The following KCNT1 variants were observed in gnomAD, a reference collection of about 807,000 sequenced individuals.
The protein encoded by KCNT1 is potassium sodium-activated channel subfamily T member 1.
Under a neutral mutation model 147.8 loss-of-function variants are expected in KCNT1, and 78 were observed. That is an observed-to-expected ratio of 0.53 (90% CI 0.44 to 0.64). KCNT1 has a LOEUF of 0.64. Ranked by LOEUF, KCNT1 falls within the 30% of genes least tolerant of loss-of-function variation. The pLI, the probability that KCNT1 is intolerant of heterozygous loss-of-function variation, is 0.00. For missense variants in KCNT1, 1,419 were observed against 1,750.3 expected (o/e 0.81, Z 3.38); for synonymous variants, 867 against 748.8 (o/e 1.16, Z -2.58).
At chr9:135,750,423 G>C in intron 3 of KCNT1, 1 of 562,948 alleles carries the variant, frequency 1.8e-6, no homozygotes, top group Non-Finnish European at 3.2e-6. Flanking sequence ...GGGACTCGTG[G>C]GGACACCGTC....
intron 1 of KCNT1, among the ~76,000 whole-genome samples, chr9:135,702,769 G>C (rs913957295): frequency 2.0e-5 from 3 of 152,080 alleles, no homozygotes; most frequent in Admixed American, 6.5e-5. Context: ...TGTGTGGCAT[G>C]GCAGTGCTCG....
chr9:135,777,246 G>A (rs942375205), intron 20 of KCNT1, 92 bp from the exon 21 acceptor site: 50 of 1,367,994 alleles, frequency 3.7e-5, no homozygotes, highest in South Asian at 1.5e-4. Flanking sequence ...GGGTGTTCAC[G>A]GGGGATGTTT....
intron 1 of KCNT1, among the ~76,000 whole-genome samples, chr9:135,707,032 C>T (rs2131314247): frequency 6.6e-6 from 1 of 151,832 alleles, no homozygotes. Context: ...TGCCTGTGAT[C>T]TCGGTGCTTT....
intron 2 of KCNT1, among the ~76,000 whole-genome samples, chr9:135,742,193 G>C (rs984727263): frequency 6.6e-6 from 1 of 152,204 alleles, no homozygotes; most frequent in Admixed American, 6.5e-5. Context: ...GGAGCCTTGG[G>C]GCAGGGCTGG....
intron 4 of KCNT1, among the ~76,000 whole-genome samples, chr9:135,753,420 C>T (rs1008448214): frequency 6.6e-6 from 1 of 152,156 alleles, no homozygotes; most frequent in Non-Finnish European, 1.5e-5. Context: ...GCTTGGGGGC[C>T]GCTTGTCCTC....
intron 2 of KCNT1, among the ~76,000 whole-genome samples, chr9:135,741,770 A>G (rs1024553867): frequency 5.2e-5 from 8 of 152,388 alleles, no homozygotes; most frequent in African/African-American, 1.9e-4. Context: ...GTGTGGCCTC[A>G]GAAGACTGTG....
intron 13 of KCNT1, among the ~76,000 whole-genome samples, chr9:135,767,244 C>T (rs1462184336): frequency 2.0e-5 from 3 of 152,120 alleles, no homozygotes; most frequent in South Asian, 2.1e-4. Context: ...CACACACAGG[C>T]GATGCACCTG....
intron 6 of KCNT1, among the ~76,000 whole-genome samples, chr9:135,756,267 G>A (rs951746900): frequency 6.6e-6 from 1 of 152,108 alleles, no homozygotes; most frequent in African/African-American, 2.4e-5. Context: ...GGATCCCTGA[G>A]GACTTCCTGA....
chr9:135,759,664 T>C lies in KCNT1; in HGVS notation c.855-15T>C. ...TCCTGGGCCCCAGGCCGCCCCTCAC[T>C]GCCAGGGGTTGCAGGACCTGCGGCA... On this transcript the variant is annotated splice_polypyrimidine_tract_variant and intron_variant, in intron 10 of 30. Transcript: ENST00000371757. The C allele has an allele frequency of 6.3e-7, 1 of 1,588,350 alleles. No individual in the cohort carries two copies. The highest frequency in any genetic ancestry group is 1.1e-5 in the South Asian group (1 of 87,614).
At position 135,770,381 on chromosome 9, in the gene KCNT1, A is replaced by G. The variant is rs745911061; in HGVS notation, c.1703A>G (p.Asp568Gly). 6.2e-7 allele frequency: 1 copy of G among 1,613,296 alleles called. No individual in the cohort carries two copies. Among genetic ancestry groups the G allele is most frequent in the Admixed American group, 1.7e-5 (1 of 60,000 alleles). Residue 568 changes from aspartate to glycine, a missense_variant, in exon 17 of 31, where the codon GAC becomes GGC. Transcript: ENST00000371757. ...GNEVYHIRMG[D>G]SKFFREYEGK... is the part of the protein sequence containing the mutation. ...GAGGTGTACCACATCCGCATGGGTG[A>G]CAGCAAGTTCTTCCGCGAGTACGAG...
At chr9:135,765,489 C>A in intron 12 of KCNT1, 135 bp from the exon 13 acceptor site, 1 of 1,049,878 alleles carries the variant, frequency 9.5e-7, no homozygotes, top group Non-Finnish European at 1.3e-6. Flanking sequence ...CCCCTCTTTT[C>A]CCTCCCACCA....
At chr9:135,768,741 G>A in intron 14 of KCNT1, 68 bp downstream of exon 14, 7 of 1,537,996 alleles carry the variant, frequency 4.6e-6, no homozygotes, top group Non-Finnish European at 6.2e-6. Flanking sequence ...GGGTCCCTGA[G>A]GGAAGAGACC....
Position 135,778,859 on chromosome 9 carries a change from C to T in KCNT1, c.2729+37C>T, listed in dbSNP as rs368358842. 5.6e-6 allele frequency: 9 copies of T among 1,602,668 alleles called. No homozygotes were observed. The African/African-American group carries it at 1.1e-4, about 20-fold the overall frequency. ...GTCCGGGGCTCGGCTCTAAACCACC[C>T]CACAGCCACGACCACGGGCCCTCGC... On this transcript the variant is annotated intron_variant, in intron 23 of 30. Coordinates refer to ENST00000371757, the MANE Select transcript of KCNT1 (RefSeq NM_020822.3).
intron 2 of KCNT1, among the ~76,000 whole-genome samples, chr9:135,716,231 G>A (rs1564315769): frequency 6.6e-6 from 1 of 152,196 alleles, no homozygotes; most frequent in Non-Finnish European, 1.5e-5. Context: ...TCCGATATTG[G>A]GCAGGAAGTG....
Position 135,772,906 on chromosome 9 carries a change from G to A in KCNT1, c.2200G>A (p.Asp734Asn), listed in dbSNP as rs1244750947. ...CGACCTGCTGAGCGACCAGTCGGAG[G>A]ATGAGGTGACGCCGTCGGACGACGA... is the stretch of plus-strand genomic sequence containing the variant. The part of the protein sequence containing the change: ...PCDLLSDQSE[D>N]EVTPSDDEGL... Residue 734 changes from aspartate to asparagine, a missense_variant, in exon 19 of 31, where the codon GAT (aspartate) becomes AAT (asparagine). By Grantham distance (23) the Asp-to-Asn change is conservative (BLOSUM62 1). Coordinates refer to ENST00000371757, the MANE Select transcript of KCNT1 (RefSeq NM_020822.3). The A allele has an allele frequency of 6.5e-7, 1 of 1,548,734 alleles. No individual in the cohort carries two copies. The highest frequency in any genetic ancestry group is 2.0e-5 in the Admixed American group (1 of 49,986).
In KCNT1 at chr9:135,792,364, G is replaced by T; in HGVS notation, c.*203G>T. The T allele has an allele frequency of 1.7e-6, 1 of 584,968 alleles. No individual in the cohort carries two copies. Among genetic ancestry groups the T allele is most frequent in the Non-Finnish European group, 3.0e-6 (1 of 338,726 alleles). 36.2% of individuals were successfully genotyped at this position (584,968 alleles called of 1,614,324 possible). On this transcript the variant is annotated 3_prime_UTR_variant, in exon 31 of 31. Coordinates refer to ENST00000371757, the MANE Select transcript of KCNT1 (RefSeq NM_020822.3). ...CCCTGGGCACCTGCAGGCTAGTGAGGAGAGTTTTTTAACCTATTTTTACAC... is the reference window on the plus strand; with the variant it reads ...CCCTGGGCACCTGCAGGCTAGTGAGTAGAGTTTTTTAACCTATTTTTACAC...
chr9:135,757,243 C>A lies in KCNT1; in HGVS notation c.675+13C>A. ...CTTCATCATCACGGTGGGTGAGCCC[C>A]AGCTGCCAGGAGTGCGGGCCCTGGA... On this transcript the variant is annotated intron_variant, in intron 8 of 30. Coordinates refer to ENST00000371757, the MANE Select transcript of KCNT1 (RefSeq NM_020822.3). 6.2e-7 allele frequency: 1 copy of A among 1,612,960 alleles called. No homozygotes were observed. The highest frequency in any genetic ancestry group is 8.5e-7 in the Non-Finnish European group (1 of 1,179,894).
chr9:135,741,409 G>A (rs1830561970), intron 2 of KCNT1, among the ~76,000 whole-genome samples: 1 of 152,236 alleles, frequency 6.6e-6, no homozygotes, highest in Non-Finnish European at 1.5e-5. Flanking sequence ...GCTCCTGCCA[G>A]CCTCTGACAC....
chr9:135,704,393 C>A (rs1300263882), intron 1 of KCNT1, among the ~76,000 whole-genome samples: 1 of 152,236 alleles, frequency 6.6e-6, no homozygotes, highest in Non-Finnish European at 1.5e-5. Flanking sequence ...AGCCTCAAGG[C>A]CATCAGGCCG....
Sources: gnomAD v4.1 joint callset for allele counts (sites outside exome capture counted in the v4.1 genomes callset) on GRCh38, gnomAD v4.1.1 for gene constraint, MANE v1.5 for transcripts, NCBI Gene and HGNC (gene_info 2026-07-23, HGNC 2026-07-21) for gene names.